Variants in RBFOX1 observed in about 807,000 individuals in gnomAD.
RBFOX1 encodes RNA binding fox-1 homolog 1, also known as RNA binding protein fox-1 homolog 1.
Under a neutral mutation model 57.7 loss-of-function variants are expected in RBFOX1, and 8 were observed. The observed-to-expected ratio is 0.14, with a 90% confidence interval of 0.08 to 0.25. RBFOX1 has a LOEUF of 0.25. RBFOX1 is among the 10% of genes least tolerant of loss of function. The pLI, the probability that RBFOX1 is intolerant of heterozygous loss-of-function variation, is 1.00. For missense variants in RBFOX1, 611 were observed against 548.5 expected, an observed-to-expected ratio of 1.11 and a Z score of -1.14; for synonymous variants, 326 against 222.4, an observed-to-expected ratio of 1.47 and a Z score of -4.15.
intron 3 of RBFOX1, among the ~76,000 whole-genome samples, chr16:6,790,144 C>T (rs909948919): frequency 6.9e-6 from 1 of 144,400 alleles, no homozygotes; most frequent in Non-Finnish European, 1.5e-5. Flanking sequence ...AAATGTGACT[C>T]TTAGATTCTG....
intron 4 of RBFOX1, among the ~76,000 whole-genome samples, chr16:7,329,434 CGA>C (rs1206149705): frequency 6.6e-6 from 1 of 152,194 alleles, no homozygotes. Flanking sequence ...GAAAGACACA[CGA>C]CATAGTGTCG....
At chr16:7,132,893 T>C (rs2070903680) in intron 4 of RBFOX1, among the ~76,000 whole-genome samples, 1 of 152,202 alleles carries the variant, frequency 6.6e-6, no homozygotes, top group Non-Finnish European at 1.5e-5. Context: ...TCCCCTGACA[T>C]ATGTGCATAA....
Position 6,563,539 on chromosome 16 carries a change from G to A in RBFOX1, c.-63-91064G>A, listed in dbSNP as rs188054562. On this transcript the variant is annotated intron_variant, in intron 2 of 15. Transcript: ENST00000550418. ...CCCAAGGAAAATACTATGGTCAGGAGTTGGGTAAGCCGATAAAAAGATGGC... is the reference window on the plus strand; with the variant it reads ...CCCAAGGAAAATACTATGGTCAGGAATTGGGTAAGCCGATAAAAAGATGGC... Among the ~76,000 whole-genome samples the A allele has an allele frequency of 2.5e-3, 378 of 152,248 alleles. 1 individual carries two copies. The highest frequency in any genetic ancestry group is 8.5e-3 in the African/African-American group (352 of 41,542).
At chr16:7,145,575 T>A (rs1370940232) in intron 4 of RBFOX1, among the ~76,000 whole-genome samples, 1 of 152,090 alleles carries the variant, frequency 6.6e-6, no homozygotes, top group Non-Finnish European at 1.5e-5. Context: ...CATATGATGA[T>A]CTATATGCAC....
intron 4 of RBFOX1, among the ~76,000 whole-genome samples, chr16:7,509,486 A>G (rs2074409303): frequency 6.6e-6 from 1 of 151,858 alleles, no homozygotes; most frequent in Non-Finnish European, 1.5e-5. Context: ...TTAGATCCTT[A>G]CAATAATATG....
Position 6,689,469 on chromosome 16 carries a change from T to A in RBFOX1, c.-16+34819T>A. ...ATTTCTTCTCATGTGTTTTAAATAC[T>A]CATCTTCTAAGGCTGAGTAAGTGTA... On this transcript the variant is annotated intron_variant, in intron 3 of 15. Coordinates refer to ENST00000550418, the MANE Select transcript of RBFOX1 (RefSeq NM_018723.4). Among the ~76,000 whole-genome samples the A allele has an allele frequency of 2.0e-5, 3 of 152,320 alleles. No individual in the cohort carries two copies. The South Asian group carries it at 6.2e-4, about 32-fold the overall frequency.
chr16:5,650,375 C>T (rs536543371), intron 3 of RBFOX1, among the ~76,000 whole-genome samples: 7 of 151,666 alleles, frequency 4.6e-5, no homozygotes, highest in Non-Finnish European at 1.0e-4. Context: ...GGAGCCCCGT[C>T]GAGGGCCTCC....
At chr16:5,306,023 C>T (rs1434064523) in intron 1 of RBFOX1, among the ~76,000 whole-genome samples, 3 of 152,144 alleles carry the variant, frequency 2.0e-5, no homozygotes, top group Non-Finnish European at 4.4e-5. Context: ...AAGACTCCCA[C>T]CTCTACAAAA....
chr16:6,051,934 CAG>C (rs2095556189), intron 1 of RBFOX1, among the ~76,000 whole-genome samples: 1 of 152,070 alleles, frequency 6.6e-6, no homozygotes, highest in South Asian at 2.1e-4. Context: ...GTTCCACTGC[CAG>C]AGTCAGAGCC....
intron 1 of RBFOX1, among the ~76,000 whole-genome samples, chr16:6,308,357 C>G (rs1318880544): frequency 2.0e-5 from 3 of 152,320 alleles, no homozygotes; most frequent in East Asian, 1.9e-4. Flanking sequence ...AGCTTGCAAG[C>G]CATGTGTTGG....
chr16:6,689,010 G>T (rs1180137208), intron 3 of RBFOX1, among the ~76,000 whole-genome samples: 9 of 152,182 alleles, frequency 5.9e-5, no homozygotes, highest in Admixed American at 5.9e-4. Context: ...GTTTATATGT[G>T]CTGCATTTTC....
At chr16:5,247,392 C>T (rs2062329342) in intron 1 of RBFOX1, among the ~76,000 whole-genome samples, 1 of 152,198 alleles carries the variant, frequency 6.6e-6, no homozygotes, top group Non-Finnish European at 1.5e-5. Flanking sequence ...TGTCCCTCCG[C>T]ATGAGATGGC....
At chr16:7,465,070 G>C (rs903531544) in intron 4 of RBFOX1, among the ~76,000 whole-genome samples, 8 of 152,092 alleles carry the variant, frequency 5.3e-5, no homozygotes, top group Admixed American at 3.3e-4. Flanking sequence ...CACGCCTCCT[G>C]CTGTCTCTTA....
chr16:5,759,300 G>T (rs1007220578), intron 3 of RBFOX1, among the ~76,000 whole-genome samples: 9 of 152,168 alleles, frequency 5.9e-5, no homozygotes, highest in African/African-American at 2.2e-4. Flanking sequence ...CATGCTGTTT[G>T]CCCATAGTGG....
intron 3 of RBFOX1, among the ~76,000 whole-genome samples, chr16:6,754,789 G>T (rs140312785): frequency 6.6e-6 from 1 of 151,946 alleles, no homozygotes; most frequent in Non-Finnish European, 1.5e-5. Context: ...GTGCCATGCT[G>T]GTGTGCTCCA....
intron 5 of RBFOX1, among the ~76,000 whole-genome samples, chr16:7,548,624 G>A (rs976567507): frequency 7.9e-5 from 12 of 152,200 alleles, no homozygotes; most frequent in African/African-American, 2.9e-4. Context: ...AGGATGCTCT[G>A]GGGCAGGAGC....
At chr16:7,446,911 C>G (rs188974622) in intron 4 of RBFOX1, among the ~76,000 whole-genome samples, 3 of 143,338 alleles carry the variant, frequency 2.1e-5, no homozygotes, top group Admixed American at 1.4e-4. Context: ...CTCCTGGGTT[C>G]ACAGCATTCT....
At chr16:7,541,356 C>G (rs982590810) in intron 5 of RBFOX1, among the ~76,000 whole-genome samples, 1 of 152,190 alleles carries the variant, frequency 6.6e-6, no homozygotes, top group Non-Finnish European at 1.5e-5. Context: ...CAGCATTTTC[C>G]TCTTTCAGAT....
At chr16:7,301,496 G>A (rs1312136349) in intron 4 of RBFOX1, among the ~76,000 whole-genome samples, 1 of 152,176 alleles carries the variant, frequency 6.6e-6, no homozygotes, top group Non-Finnish European at 1.5e-5. Flanking sequence ...TGGATCTGTG[G>A]GGATCTAATC....
Sources: gnomAD v4.1 joint callset for allele counts (sites outside exome capture counted in the v4.1 genomes callset) on GRCh38, gnomAD v4.1.1 for gene constraint, MANE v1.5 for transcripts, NCBI Gene and HGNC (gene_info 2026-07-23, HGNC 2026-07-21) for gene names.